Variants in NOVA1 observed in about 807,000 individuals in gnomAD.
The protein encoded by NOVA1 is NOVA alternative splicing regulator 1, also known as RNA-binding protein Nova-1.
A neutral mutation model predicts 38.0 loss-of-function variants in NOVA1; 7 were observed. That is an observed-to-expected ratio of 0.18 (90% confidence interval 0.10 to 0.35). The LOEUF (loss-of-function observed/expected upper bound fraction) is 0.35, where lower values mean the gene tolerates loss of function less well. NOVA1 is among the 10% of genes least tolerant of loss of function. The pLI, the probability that NOVA1 is intolerant of heterozygous loss-of-function variation, is 1.00. For missense variants in NOVA1, 460 were observed against 616.0 expected (o/e 0.75, Z 2.68); for synonymous variants, 270 against 232.5 (o/e 1.16, Z -1.47).
At chr14:26,530,668 A>G (rs1889650693) in intron 2 of NOVA1, among the ~76,000 whole-genome samples, 1 of 152,196 alleles carries the variant, frequency 6.6e-6, no homozygotes, top group Non-Finnish European at 1.5e-5. Context: ...GATCATTCAA[A>G]GGATGCTAAA....
intron 2 of NOVA1, among the ~76,000 whole-genome samples, chr14:26,508,922 G>A (rs1887848119): frequency 6.6e-6 from 1 of 151,638 alleles, no homozygotes; most frequent in Non-Finnish European, 1.5e-5. Context: ...AAGCAAACTA[G>A]CCCATCTAGG....
intron 2 of NOVA1, among the ~76,000 whole-genome samples, chr14:26,504,684 C>G (rs1250089402): frequency 6.6e-6 from 1 of 151,444 alleles, no homozygotes; most frequent in Non-Finnish European, 1.5e-5. Flanking sequence ...CCTTGTATGA[C>G]TTTTTACTGT....
At chr14:26,530,066 C>T (rs565291371) in intron 2 of NOVA1, among the ~76,000 whole-genome samples, 6 of 152,114 alleles carry the variant, frequency 3.9e-5, no homozygotes, top group Non-Finnish European at 8.8e-5. Flanking sequence ...ACTACAAGCA[C>T]CCGCCACCAC....
intron 4 of NOVA1, among the ~76,000 whole-genome samples, chr14:26,461,344 G>A (rs1382800960): frequency 6.6e-6 from 1 of 152,088 alleles, no homozygotes; most frequent in Non-Finnish European, 1.5e-5. Context: ...ACATTTAAAA[G>A]GGATTTTGGG....
rs907328314 is a variant in NOVA1 at position 26,594,776 on chromosome 14, T to C, written c.280+634A>G. Among the ~76,000 whole-genome samples, 21 of 6,592 alleles carry C rather than the reference T, an allele frequency of 3.2e-3. No homozygotes were observed. The East Asian group carries it at 0.3, about 94-fold the overall frequency. The allele number at this position is 6,592 out of a possible 152,430, so 4.3% of individuals were successfully genotyped here. Reference sequence around the variant, plus strand: ...CCCATATTCCAGTAGGTTACTGTACTACACTGTCAACATATTTAATCAAAT... The same window carrying C: ...CCCATATTCCAGTAGGTTACTGTACCACACTGTCAACATATTTAATCAAAT... On this transcript the variant is annotated intron_variant, in intron 2 of 4. Transcript: ENST00000539517.
At chr14:26,591,054 G>A (rs1021132846) in intron 2 of NOVA1, among the ~76,000 whole-genome samples, 3 of 151,614 alleles carry the variant, frequency 2.0e-5, no homozygotes, top group Admixed American at 2.0e-4. Flanking sequence ...GAATAAAATT[G>A]TATCTTTTGG....
In NOVA1 at chr14:26,537,534, G is replaced by A. The variant is rs140292375; in HGVS notation, c.281-57391C>T. On this transcript the variant is annotated intron_variant, in intron 2 of 4. Coordinates refer to ENST00000539517, the MANE Select transcript of NOVA1 (RefSeq NM_002515.3). ...TATAAAAAGCCATAAGCAAAAATGAGAGACAATTGGCAAAAAGGGAAAGAA... is the reference window on the plus strand; with the variant it reads ...TATAAAAAGCCATAAGCAAAAATGAAAGACAATTGGCAAAAAGGGAAAGAA... Among the ~76,000 whole-genome samples, 322 of 152,100 alleles carry A rather than the reference G, an allele frequency of 2.1e-3. 2 individuals are homozygous for A. The highest frequency in any genetic ancestry group is 7.2e-3 in the African/African-American group (297 of 41,498).
chr14:26,552,228 A>G (rs1010070238), intron 2 of NOVA1, among the ~76,000 whole-genome samples: 10 of 152,144 alleles, frequency 6.6e-5, no homozygotes, highest in Non-Finnish European at 1.0e-4. Context: ...CATTCAGAAT[A>G]CTGCAATGAA....
intron 2 of NOVA1, among the ~76,000 whole-genome samples, chr14:26,548,424 T>C (rs1178364735): frequency 6.6e-6 from 1 of 152,066 alleles, no homozygotes; most frequent in African/African-American, 2.4e-5. Context: ...AATTTAAAGT[T>C]ACCTAAACCA....
intron 3 of NOVA1, among the ~76,000 whole-genome samples, chr14:26,473,104 GAA>G (rs968334916): frequency 2.0e-5 from 3 of 151,500 alleles, no homozygotes; most frequent in African/African-American, 7.3e-5. Context: ...TAATATAGAT[GAA>G]GAGTATAATA....
chr14:26,474,752 T>C (rs1884845636), intron 3 of NOVA1, among the ~76,000 whole-genome samples: 1 of 151,892 alleles, frequency 6.6e-6, no homozygotes, highest in African/African-American at 2.4e-5. Flanking sequence ...TAAGTTTGGG[T>C]TTCAAGTTGT....
chr14:26,593,696 T>C (rs1201490296), intron 2 of NOVA1: 2 of 151,844 alleles, frequency 1.3e-5, no homozygotes, highest in African/African-American at 4.8e-5. Context: ...TCAATTTCAA[T>C]GTAATAAGCA....
At chr14:26,549,222 C>G (rs762484595) in intron 2 of NOVA1, 3 of 151,724 alleles carry the variant, frequency 2.0e-5, no homozygotes, top group Non-Finnish European at 2.9e-5. Flanking sequence ...AGAATCAAAA[C>G]TAGTTCATCA....
At chr14:26,555,019 A>G (rs2138659209) in intron 2 of NOVA1, among the ~76,000 whole-genome samples, 1 of 152,286 alleles carries the variant, frequency 6.6e-6, no homozygotes, top group African/African-American at 2.4e-5. Context: ...TATCTCCTAA[A>G]TAAGACACCA....
intron 2 of NOVA1, among the ~76,000 whole-genome samples, chr14:26,590,669 C>A (rs1893789749): frequency 6.6e-6 from 1 of 151,758 alleles, no homozygotes; most frequent in Non-Finnish European, 1.5e-5. Context: ...AGACACAGAT[C>A]ATTTTTCCTC....
intron 3 of NOVA1, among the ~76,000 whole-genome samples, chr14:26,476,436 C>G (rs1884991267): frequency 6.6e-6 from 1 of 152,156 alleles, no homozygotes; most frequent in African/African-American, 2.4e-5. Context: ...TTTTCATTAT[C>G]TGGCTCCCTA....
At chr14:26,589,605 C>T (rs527261710) in intron 2 of NOVA1, among the ~76,000 whole-genome samples, 12 of 151,650 alleles carry the variant, frequency 7.9e-5, no homozygotes, top group Non-Finnish European at 1.8e-4. Flanking sequence ...TTTTAACTTC[C>T]TATGAAAAAT....
chr14:26,512,473 C>T (rs962914433), intron 2 of NOVA1, among the ~76,000 whole-genome samples: 1 of 152,182 alleles, frequency 6.6e-6, no homozygotes, highest in Non-Finnish European at 1.5e-5. Context: ...CAACCACACA[C>T]ATTTCTAGTT....
intron 4 of NOVA1, chr14:26,470,571 A>AG: frequency 9.8e-7 from 1 of 1,016,824 alleles, no homozygotes; most frequent in South Asian, 1.5e-5. Flanking sequence ...ATTACAAATG[A>AG]CTTATTATTT....
Sources: gnomAD v4.1 joint callset for allele counts (sites outside exome capture counted in the v4.1 genomes callset) on GRCh38, gnomAD v4.1.1 for gene constraint, MANE v1.5 for transcripts, NCBI Gene and HGNC (gene_info 2026-07-23, HGNC 2026-07-21) for gene names.